Variants in MLXIP observed in about 807,000 individuals in gnomAD.
MLXIP encodes the protein MLX interacting protein, also known as MLX-interacting protein.
In MLXIP, 30 loss-of-function variants were observed where a neutral mutation model predicts 87.2. The ratio of observed to expected loss-of-function variants is 0.34; its 90% CI spans 0.26 to 0.47. The LOEUF is 0.47. Among genes scored for constraint, MLXIP ranks in the 20% least tolerant of loss-of-function variants. MLXIP has a pLI of 1.00. For synonymous variants in MLXIP, 530 were observed against 514.0 expected (o/e 1.03, Z -0.42); for missense variants, 1,002 against 1,240.1 (o/e 0.81, Z 2.88).
At chr12:122,132,142 T>G (rs1952992171) in intron 7 of MLXIP, 150 bp from the exon 8 acceptor site, 1 of 589,368 alleles carries the variant, frequency 1.7e-6, no homozygotes, top group African/African-American at 1.9e-5. Flanking sequence ...CAGGATGGTC[T>G]TGATCTCTTG....
chr12:122,132,157 C>T, intron 7 of MLXIP, 135 bp from the exon 8 acceptor site: 1 of 629,938 alleles, frequency 1.6e-6, no homozygotes, highest in Non-Finnish European at 2.9e-6. Context: ...CTCTTGACCT[C>T]ATGATCTGCC....
At chr12:122,098,404 C>T (rs576421533) in intron 1 of MLXIP, among the ~76,000 whole-genome samples, 9 of 152,298 alleles carry the variant, frequency 5.9e-5, no homozygotes, top group African/African-American at 2.2e-4. Context: ...CCCTCCCAGA[C>T]GACTGGAAGA....
chr12:122,080,911 A>G (rs1243041209), intron 1 of MLXIP, among the ~76,000 whole-genome samples: 2 of 152,166 alleles, frequency 1.3e-5, no homozygotes, highest in Non-Finnish European at 2.9e-5. Context: ...CTTTATTTTA[A>G]TATAAACTTC....
chr12:122,107,415 C>G (rs999557620), intron 1 of MLXIP, among the ~76,000 whole-genome samples: 2 of 152,180 alleles, frequency 1.3e-5, no homozygotes, highest in African/African-American at 4.8e-5. Flanking sequence ...TCCCCCTCTT[C>G]CCATCCAGAG....
At chr12:122,089,009 CAAAAAAA>C (rs1177216284) in intron 1 of MLXIP, among the ~76,000 whole-genome samples, 40 of 47,840 alleles carry the variant, frequency 8.4e-4, no homozygotes, top group South Asian at 7.8e-3. Flanking sequence ...CCCATCTCTA[CAAAAAAA>C]AAAAAAAAAA....
rs1348171883 is a variant in MLXIP, at chr12:122,147,291, T to C, written c.*5479T>C. 6.6e-6 allele frequency: 1 copy of C among 152,198 alleles called. No individual in the cohort carries two copies. Among genetic ancestry groups the C allele is most frequent in the African/African-American group, 2.4e-5 (1 of 41,440 alleles). 9.4% of individuals were successfully genotyped at this position (152,198 alleles called of 1,614,324 possible). A position where few individuals can be genotyped will look rare whatever the true frequency, so the allele number is the denominator to read the frequency against. On this transcript the variant is annotated 3_prime_UTR_variant, in exon 17 of 17. Transcript: ENST00000319080. Reference sequence around the variant, plus strand: ...GCTGTATTCAACACTACAATGCATTTTTTAAACTATATTTGCATCCAAGAC... The same window carrying C: ...GCTGTATTCAACACTACAATGCATTCTTTAAACTATATTTGCATCCAAGAC...
rs1391194794 is a variant in MLXIP at position 122,145,275 on chromosome 12, TGTCAGCCAGGGGAGTGGGGTCAGCC to T, written c.*3473_*3497del. Reference sequence around the variant, plus strand: ...CCAGTGCTGCGCATGGTCCCGGAGCTGTCAGCCAGGGGAGTGGGGTCAGCCGTCAGCCAGCCCTCCCATTTCCCGC... The same window carrying T: ...CCAGTGCTGCGCATGGTCCCGGAGCTGTCAGCCAGCCCTCCCATTTCCCGC... On this transcript the variant is annotated 3_prime_UTR_variant, in exon 17 of 17. Transcript: ENST00000319080. 1 of 152,306 alleles carries T rather than the reference TGTCAGCCAGGGGAGTGGGGTCAGCC, an allele frequency of 6.6e-6. No individual in the cohort carries two copies. Among genetic ancestry groups the T allele is most frequent in the African/African-American group, 2.4e-5 (1 of 41,474 alleles). The allele number at this position is 152,306 out of a possible 1,614,324, so 9.4% of individuals were successfully genotyped here.
At chr12:122,131,730 T>A (rs562101313) in intron 7 of MLXIP, among the ~76,000 whole-genome samples, 1 of 151,832 alleles carries the variant, frequency 6.6e-6, no homozygotes, top group Admixed American at 6.6e-5. Context: ...CCAGCCTGTT[T>A]TAGTCTTTGT....
intron 9 of MLXIP, 117 bp downstream of exon 9, chr12:122,134,104 C>T (rs770248475): frequency 6.7e-6 from 8 of 1,192,426 alleles, no homozygotes; most frequent in South Asian, 3.2e-5. Flanking sequence ...CACGTGCATG[C>T]GCACACACAT....
intron 1 of MLXIP, among the ~76,000 whole-genome samples, chr12:122,092,255 T>C (rs192631768): frequency 1.3e-5 from 2 of 152,164 alleles, no homozygotes; most frequent in African/African-American, 4.8e-5. Context: ...TGCAGCACCA[T>C]GCCTGGCTAA....
rs1284264940 is a variant in MLXIP at position 122,132,272 on chromosome 12, C to G, written c.1001-20C>G. On this transcript the variant is annotated intron_variant, in intron 7 of 16. Transcript: ENST00000319080. ...TGCTGGGCACACTGAGCTCAGAAGA[C>G]CCCTGCTGTTGTTTTTCAGACCTCT... is the stretch of plus-strand genomic sequence containing the variant. 1.3e-6 allele frequency: 2 copies of G among 1,581,950 alleles called. No individual in the cohort carries two copies. The highest frequency in any genetic ancestry group is 3.5e-5 in the Admixed American group (2 of 57,794).
rs1186805469 is a variant in MLXIP, at chr12:122,146,141, A to T, written c.*4329A>T. ...ACTGATCCGGGCAGGCAGCGTGTGC[A>T]GCAGTGGCCAGCCAGAGTGCCAAAG... On this transcript the variant is annotated 3_prime_UTR_variant, in exon 17 of 17. Coordinates refer to ENST00000319080, the MANE Select transcript of MLXIP (RefSeq NM_014938.6). The T allele has an allele frequency of 1.3e-5, 2 of 152,472 alleles. No homozygotes were observed. The highest frequency in any genetic ancestry group is 4.8e-5 in the African/African-American group (2 of 41,456). The allele number at this position is 152,472 out of a possible 1,614,324, so 9.4% of individuals were successfully genotyped here.
chr12:122,125,861 C>T (rs1007681770), intron 1 of MLXIP, among the ~76,000 whole-genome samples: 10 of 152,190 alleles, frequency 6.6e-5, no homozygotes, highest in African/African-American at 2.4e-4. Flanking sequence ...GGGATAGGCA[C>T]AAGGGTCCTG....
Position 122,130,580 on chromosome 12 carries a change from T to C in MLXIP, c.911-264T>C, listed in dbSNP as rs552265344. 6.0e-5 allele frequency among the ~76,000 whole-genome samples: 9 copies of C among 150,966 alleles called. No individual in the cohort carries two copies. In the East Asian group the frequency reaches 1.7e-3, roughly 29 times the overall value. ...AAAATTAGAACAGTGTTCGGGGAGG[T>C]CTCTGTTCTCTCTTGAGCTCTTTAC... is the stretch of plus-strand genomic sequence containing the variant. On this transcript the variant is annotated intron_variant, in intron 6 of 16. Transcript: ENST00000319080.
At chr12:122,079,305 G>A (rs1307559855) in intron 1 of MLXIP, 39 bp downstream of exon 1, 2 of 1,531,674 alleles carry the variant, frequency 1.3e-6, no homozygotes, top group African/African-American at 1.4e-5. Flanking sequence ...CCGGCCGGAG[G>A]CCCTTGTTTG....
rs368247609 is a variant in MLXIP, at chr12:122,141,746, G to C, written c.2694G>C (p.Pro898=). The C allele has an allele frequency of 6.8e-6, 11 of 1,613,728 alleles. No homozygotes were observed. The highest frequency in any genetic ancestry group is 9.3e-6 in the Non-Finnish European group (11 of 1,179,896). ...CCTCCACCTCCATCCTCACAGACCC[G>C]GCACAGCTGCCAGAGCAGGCGTCCA... ...LSTSTSILTD[P]AQLPEQASKA... Residue 898 remains proline, a synonymous_variant, in exon 17 of 17, where the codon CCG becomes CCC. Coordinates refer to ENST00000319080, the MANE Select transcript of MLXIP (RefSeq NM_014938.6).
At chr12:122,127,117 C>T in intron 1 of MLXIP, 139 bp from the exon 2 acceptor site, 1 of 728,154 alleles carries the variant, frequency 1.4e-6, no homozygotes, top group Admixed American at 2.0e-5. Flanking sequence ...CCCCAGTGAC[C>T]TGAATTCCAT....
chr12:122,130,817 T>C, intron 6 of MLXIP, 27 bp from the exon 7 acceptor site: 1 of 1,545,446 alleles, frequency 6.5e-7, no homozygotes, highest in Non-Finnish European at 8.9e-7. Flanking sequence ...GAAGACAAAA[T>C]GGTTCCTCTC....
rs527745882 is a variant in MLXIP, at chr12:122,079,286, C to G, written c.413+20C>G. On this transcript the variant is annotated intron_variant, in intron 1 of 16. Transcript: ENST00000319080. Reference sequence around the variant, plus strand: ...CTACAGGTAGGGACCCCCGCGACCCCCTGAGGCCCCGGCCGGAGGCCCTTG... The same window carrying G: ...CTACAGGTAGGGACCCCCGCGACCCGCTGAGGCCCCGGCCGGAGGCCCTTG... The G allele has an allele frequency of 3.1e-4, 476 of 1,544,328 alleles. 7 individuals carry two copies. The South Asian group carries it at 5.2e-3, about 17-fold the overall frequency.
Sources: allele counts gnomAD v4.1 joint callset (sites outside exome capture counted in the v4.1 genomes callset), GRCh38; gene constraint gnomAD v4.1.1; transcripts MANE v1.5; gene names NCBI Gene and HGNC (gene_info 2026-07-23, HGNC 2026-07-21).